TPTE2: variants seen among roughly 807,000 people sequenced by gnomAD.
TPTE2 encodes the protein phosphatidylinositol 3,4,5-trisphosphate 3-phosphatase TPTE2.
In TPTE2, 53 loss-of-function variants were observed where a neutral mutation model predicts 78.6. The ratio of observed to expected loss-of-function variants is 0.67; its 90% confidence interval spans 0.54 to 0.85. The LOEUF is 0.85. Among genes scored for constraint, TPTE2 ranks in the 40% least tolerant of loss-of-function variants. The pLI is 0.00. For missense variants in TPTE2, 461 were observed against 623.0 expected (o/e 0.74, Z 2.77); for synonymous variants, 175 against 206.2 (o/e 0.85, Z 1.30).
At chr13:19,542,293 C>T in the TPTE2 span, among the ~76,000 whole-genome samples, 1 of 152,116 alleles carries the variant, frequency 6.6e-6, no homozygotes, top group Non-Finnish European at 1.5e-5. Context: ...ACTGGGATTA[C>T]AGACGTGAGC....
the TPTE2 span, among the ~76,000 whole-genome samples, chr13:19,558,873 A>G: frequency 6.6e-6 from 1 of 152,228 alleles, no homozygotes; most frequent in Non-Finnish European, 1.5e-5. Context: ...AAGTAATTAC[A>G]AAGATTCATT....
intron 16 of TPTE2, among the ~76,000 whole-genome samples, chr13:19,431,610 CATG>C (rs542976210): frequency 5.8e-3 from 877 of 151,796 alleles, no homozygotes; most frequent in African/African-American, 0.019. Context: ...TCACTAACAC[CATG>C]ATATTCATTT....
intron 1 of TPTE2, among the ~76,000 whole-genome samples, chr13:19,524,180 G>A (rs4769700): frequency 0.51 from 76,812 of 152,058 alleles, 23,944 homozygotes; most frequent in Non-Finnish European, 0.68. Context: ...TATAAATCCA[G>A]GGACCAAAAT....
In TPTE2 at chr13:19,454,120, T is replaced by C. The variant is rs182610924; in HGVS notation, c.742-2895A>G. Among the ~76,000 whole-genome samples, 72 of 152,334 alleles carry C rather than the reference T, an allele frequency of 4.7e-4. No individual in the cohort carries two copies. The South Asian group carries it at 0.012, about 25-fold the overall frequency. On this transcript the variant is annotated intron_variant, in intron 10 of 19. Transcript: ENST00000400230. ...AGTGCTTGTTTCTCCACTAACTCTA[T>C]GGGTCCTGCTTCTCTAAAGTTTTTG... is the stretch of plus-strand genomic sequence containing the variant.
chr13:19,442,437 G>A (rs1224502376), intron 13 of TPTE2, among the ~76,000 whole-genome samples: 2 of 151,768 alleles, frequency 1.3e-5, no homozygotes, highest in African/African-American at 4.8e-5. Context: ...AATTCTTAGA[G>A]GAAAACTTGT....
intron 13 of TPTE2, among the ~76,000 whole-genome samples, chr13:19,441,675 C>T (rs2497070): frequency 1 from 151,749 of 152,210 alleles, 75,646 homozygotes; most frequent in Non-Finnish European, 1. Flanking sequence ...AAAGAGAATC[C>T]ACCAAAATAC....
intron 6 of TPTE2, among the ~76,000 whole-genome samples, chr13:19,471,779 T>C (rs185382236): frequency 0.024 from 3,724 of 152,282 alleles, 62 homozygotes; most frequent in Middle Eastern, 0.051. Flanking sequence ...TTTTATACCT[T>C]CAGGTTGTTA....
At chr13:19,528,975 C>T (rs563163849) in intron 1 of TPTE2, among the ~76,000 whole-genome samples, 27 of 151,960 alleles carry the variant, frequency 1.8e-4, no homozygotes, top group Admixed American at 3.3e-4. Flanking sequence ...AAAAATTAGC[C>T]AGGTGTGGTG....
intron 6 of TPTE2, among the ~76,000 whole-genome samples, chr13:19,469,559 A>G (rs1593377011): frequency 6.6e-6 from 1 of 152,312 alleles, no homozygotes; most frequent in African/African-American, 2.4e-5. Flanking sequence ...ATTTCTGTGA[A>G]GAATGTCATT....
chr13:19,498,293 G>A (rs925585307), intron 1 of TPTE2, among the ~76,000 whole-genome samples: 1 of 150,706 alleles, frequency 6.6e-6, no homozygotes, highest in African/African-American at 2.4e-5. Context: ...AGGAAATACA[G>A]AGAACGCCAC....
the TPTE2 span, among the ~76,000 whole-genome samples, chr13:19,544,559 T>C: frequency 1.3e-5 from 2 of 152,208 alleles, no homozygotes; most frequent in Non-Finnish European, 2.9e-5. Context: ...TAAATCTCTA[T>C]TCATTAAAAA....
chr13:19,455,047 G>A (rs1878456169), intron 10 of TPTE2, among the ~76,000 whole-genome samples: 1 of 152,074 alleles, frequency 6.6e-6, no homozygotes. Flanking sequence ...GTGCCCATTC[G>A]GAGCAACAGA....
chr13:19,441,678 CA>C (rs1877509047), intron 13 of TPTE2, among the ~76,000 whole-genome samples: 1 of 152,028 alleles, frequency 6.6e-6, no homozygotes, highest in Non-Finnish European at 1.5e-5. Context: ...GAGAATCCAC[CA>C]AAATACCTAC....
At chr13:19,536,981 G>A (rs1871250598), upstream of TPTE2, among the ~76,000 whole-genome samples, 1 of 151,002 alleles carries the variant, frequency 6.6e-6, no homozygotes. Flanking sequence ...ATATAATTAT[G>A]TAATTCCAAA....
intron 17 of TPTE2, among the ~76,000 whole-genome samples, chr13:19,428,667 T>G (rs2137465448): frequency 6.6e-6 from 1 of 151,414 alleles, no homozygotes; most frequent in South Asian, 2.1e-4. Flanking sequence ...AGGTTGAGGC[T>G]ACAGTGAGCC....
At chr13:19,438,524 C>A in intron 13 of TPTE2, 12 of 728,218 alleles carry the variant, frequency 1.6e-5, no homozygotes, top group Non-Finnish European at 2.0e-5. Flanking sequence ...CAAAATTGCA[C>A]AAATACAGTA....
At chr13:19,519,263 G>T (rs1266665775) in intron 1 of TPTE2, among the ~76,000 whole-genome samples, 1 of 152,008 alleles carries the variant, frequency 6.6e-6, no homozygotes, top group Non-Finnish European at 1.5e-5. Context: ...TCAGGGCCTT[G>T]TCTGACATAG....
upstream of TPTE2, among the ~76,000 whole-genome samples, chr13:19,508,279 C>T (rs1333892967): frequency 6.6e-6 from 1 of 152,134 alleles, no homozygotes; most frequent in Non-Finnish European, 1.5e-5. Flanking sequence ...AATCTGAGTT[C>T]ACAAACCAAC....
chr13:19,505,159 T>G (rs1247654342), upstream of TPTE2, among the ~76,000 whole-genome samples: 1 of 152,080 alleles, frequency 6.6e-6, no homozygotes, highest in African/African-American at 2.4e-5. Flanking sequence ...TATCCTTTTT[T>G]TTAGGCGGAT....
Sources: allele counts gnomAD v4.1 joint callset (sites outside exome capture counted in the v4.1 genomes callset), GRCh38; gene constraint gnomAD v4.1.1; transcripts MANE v1.5; gene names NCBI Gene and HGNC (gene_info 2026-07-23, HGNC 2026-07-21).